The following DCAF6 variants were observed in gnomAD, a reference collection of about 807,000 sequenced individuals.
DCAF6 encodes the protein DDB1- and CUL4-associated factor 6.
Under a neutral mutation model 125.1 loss-of-function variants are expected in DCAF6, and 54 were observed. That is an observed-to-expected ratio of 0.43 (90% CI 0.35 to 0.54). The LOEUF is 0.54. Ranked by LOEUF, DCAF6 falls within the 20% of genes least tolerant of loss-of-function variation. The pLI, the probability that DCAF6 is intolerant of heterozygous loss-of-function variation, is 0.01. For missense variants in DCAF6, 934 were observed against 1,161.7 expected, an observed-to-expected ratio of 0.80 and a Z score of 2.85; for synonymous variants, 371 against 390.4, an observed-to-expected ratio of 0.95 and a Z score of 0.58.
intron 13 of DCAF6, among the ~76,000 whole-genome samples, chr1:168,039,010 A>G (rs1688172036): frequency 6.6e-6 from 1 of 152,090 alleles, no homozygotes; most frequent in South Asian, 2.1e-4. Flanking sequence ...GCTGTGTAAT[A>G]GTCCATCAAG....
chr1:167,967,847 C>T lies in DCAF6; in HGVS notation c.252+1126C>T, dbSNP rs111342825. On this transcript the variant is annotated intron_variant, in intron 3 of 21. Transcript: ENST00000367840. ...CTGCGTTCAAGCGATTCTCCTGCCT[C>T]AGCCTCCCAAGGATCTGGGATTACA... Among the ~76,000 whole-genome samples the T allele has an allele frequency of 3.0e-3, 446 of 151,096 alleles. 1 individual carries two copies. Among genetic ancestry groups the T allele is most frequent in the African/African-American group, 0.01 (424 of 41,242 alleles).
chr1:167,961,292 G>A (rs1258173752), intron 2 of DCAF6, among the ~76,000 whole-genome samples: 1 of 152,042 alleles, frequency 6.6e-6, no homozygotes, highest in Non-Finnish European at 1.5e-5. Flanking sequence ...GCCCAGGCTG[G>A]AGTGCAGTGG....
At chr1:167,905,616 T>G in the DCAF6 span, among the ~76,000 whole-genome samples, 1 of 150,470 alleles carries the variant, frequency 6.6e-6, no homozygotes, top group South Asian at 2.1e-4. Flanking sequence ...AAAAAAAGTG[T>G]AGATGTGATT....
the DCAF6 span, among the ~76,000 whole-genome samples, chr1:167,926,645 T>TGCC: frequency 6.6e-6 from 1 of 152,142 alleles, no homozygotes; most frequent in Non-Finnish European, 1.5e-5. Flanking sequence ...CCGCTGCTGC[T>TGCC]GCCGTCTAGT....
intron 12 of DCAF6, among the ~76,000 whole-genome samples, chr1:168,033,850 A>G (rs1359162820): frequency 2.0e-5 from 3 of 152,248 alleles, no homozygotes; most frequent in Non-Finnish European, 2.9e-5. Flanking sequence ...TAGAATCGCT[A>G]TCTAAAAACT....
intron 4 of DCAF6, among the ~76,000 whole-genome samples, chr1:167,982,443 G>C (rs1036885139): frequency 6.6e-6 from 1 of 151,952 alleles, no homozygotes; most frequent in Admixed American, 6.6e-5. Flanking sequence ...GGGTTTCACC[G>C]CGTCAACCAG....
At chr1:168,036,152 T>C (rs1245190579) in intron 12 of DCAF6, among the ~76,000 whole-genome samples, 3 of 152,222 alleles carry the variant, frequency 2.0e-5, no homozygotes, top group African/African-American at 7.2e-5. Flanking sequence ...CTTAGAAAGC[T>C]TCTTGCCTTT....
chr1:167,870,530 C>A, the DCAF6 span: 6 of 866,644 alleles, frequency 6.9e-6, no homozygotes, highest in South Asian at 7.6e-5. Context: ...CTGTGGCTCA[C>A]TCCTGTAATC....
the DCAF6 span, among the ~76,000 whole-genome samples, chr1:167,884,694 A>ATTTTT: frequency 3.7e-5 from 4 of 108,628 alleles, no homozygotes; most frequent in Non-Finnish European, 5.5e-5. Context: ...AATCATTTTA[A>ATTTTT]TTTTTTTTTT....
intron 13 of DCAF6, among the ~76,000 whole-genome samples, chr1:168,039,672 A>G (rs1039584072): frequency 1.4e-5 from 2 of 145,932 alleles, no homozygotes; most frequent in Admixed American, 1.4e-4. Flanking sequence ...TAATTAATAT[A>G]TTAATATATT....
intron 7 of DCAF6, among the ~76,000 whole-genome samples, chr1:167,995,911 A>C (rs554921534): frequency 2.0e-5 from 3 of 152,172 alleles, no homozygotes; most frequent in African/African-American, 7.2e-5. Context: ...CAAAGACATG[A>C]TCTCTTACTT....
At chr1:167,899,683 C>A in the DCAF6 span, 1 of 1,561,958 alleles carries the variant, frequency 6.4e-7, no homozygotes, top group Non-Finnish European at 8.8e-7. Context: ...TATTTCCCAG[C>A]AGCACAGGTT....
chr1:168,043,201 C>G (rs1572068301), intron 14 of DCAF6, 61 bp downstream of exon 14: 1 of 1,240,346 alleles, frequency 8.1e-7, no homozygotes, highest in African/African-American at 1.5e-5. Flanking sequence ...TATCTACTTT[C>G]CTGTTCCCTT....
the DCAF6 span, chr1:167,905,152 A>T: frequency 6.2e-7 from 1 of 1,614,208 alleles, no homozygotes; most frequent in South Asian, 1.1e-5. Flanking sequence ...TTCAAGACAA[A>T]TGTTCAGGAT....
chr1:167,864,844 A>T, the DCAF6 span, among the ~76,000 whole-genome samples: 2 of 150,144 alleles, frequency 1.3e-5, no homozygotes, highest in Middle Eastern at 3.5e-3. Flanking sequence ...CCAGTAACCC[A>T]CGGATGGCCC....
the DCAF6 span, among the ~76,000 whole-genome samples, chr1:167,925,520 G>GT: frequency 5.3e-3 from 380 of 71,786 alleles, 2 homozygotes; most frequent in African/African-American, 0.016. Flanking sequence ...TACAAACAAC[G>GT]TTTTTTTTTT....
Position 168,015,918 on chromosome 1 carries a change from C to G in DCAF6, c.1516C>G (p.His506Asp). The change falls in exon 11 of 22, where the codon CAT becomes GAT. Residue 506 changes from histidine to aspartate, a missense_variant. Physicochemically the swap from His to Asp is moderately conservative, Grantham distance 81. Transcript: ENST00000367840. ...QQPSTSDQSS[H>D]EGSSQDPHAS... Reference sequence around the variant, plus strand: ...GCCTTCCACTTCTGATCAGTCTTCTCATGAGGGCTCTTCACAGGACCCTCA... The same window carrying G: ...GCCTTCCACTTCTGATCAGTCTTCTGATGAGGGCTCTTCACAGGACCCTCA... 1 of 1,532,040 alleles carries G rather than the reference C, an allele frequency of 6.5e-7. No homozygotes were observed. Among genetic ancestry groups the G allele is most frequent in the Non-Finnish European group, 8.8e-7 (1 of 1,137,658 alleles). The allele number at this position is 1,532,040 out of a possible 1,614,324, so 94.9% of individuals were successfully genotyped here.
intron 2 of DCAF6, among the ~76,000 whole-genome samples, chr1:167,959,502 A>AT (rs1675263018): frequency 2.6e-5 from 4 of 152,148 alleles, no homozygotes. Flanking sequence ...TGACTGTACA[A>AT]TTTTGCATTC....
the DCAF6 span, among the ~76,000 whole-genome samples, chr1:167,925,478 T>TATATATATATATATATAC: frequency 8.2e-6 from 1 of 122,626 alleles, no homozygotes; most frequent in Non-Finnish European, 1.6e-5. Flanking sequence ...TATATATACA[T>TATATATATATATATATAC]ATACATATAC....
Sources: allele counts gnomAD v4.1 joint callset (sites outside exome capture counted in the v4.1 genomes callset), GRCh38; gene constraint gnomAD v4.1.1; transcripts MANE v1.5; gene names NCBI Gene and HGNC (gene_info 2026-07-23, HGNC 2026-07-21).